CEP164: variants seen among roughly 807,000 people sequenced by gnomAD.
CEP164 encodes centrosomal protein of 164 kDa.
A neutral mutation model predicts 182.7 loss-of-function variants in CEP164; 162 were observed. That is an observed-to-expected ratio of 0.89 (90% CI 0.78 to 1.01). The LOEUF is 1.01. CEP164 is among the 50% of genes least tolerant of loss of function. CEP164 has a pLI of 0.00. For missense variants in CEP164, 1,735 were observed against 1,790.4 expected (o/e 0.97, Z 0.56); for synonymous variants, 661 against 690.0 (o/e 0.96, Z 0.66).
intron 27 of CEP164, among the ~76,000 whole-genome samples, chr11:117,405,214 T>G (rs1399416711): frequency 6.6e-6 from 1 of 152,164 alleles, no homozygotes; most frequent in Non-Finnish European, 1.5e-5. Context: ...AAAAAACTCC[T>G]GCAGCTAGCT....
chr11:117,366,965 A>T (rs2041702938), intron 8 of CEP164, among the ~76,000 whole-genome samples: 1 of 152,130 alleles, frequency 6.6e-6, no homozygotes, highest in Admixed American at 6.5e-5. Context: ...AAGCAGCAGA[A>T]ATGTGCCTTG....
chr11:117,403,737 C>A (rs996278478), intron 27 of CEP164, among the ~76,000 whole-genome samples: 28 of 152,126 alleles, frequency 1.8e-4, no homozygotes, highest in African/African-American at 6.5e-4. Flanking sequence ...CAGATAATAT[C>A]CTGAAGAGCG....
Position 117,394,264 on chromosome 11 carries a change from C to G in CEP164, c.2617-86C>G. 2.6e-6 allele frequency: 4 copies of G among 1,516,352 alleles called. No individual in the cohort carries two copies. Among genetic ancestry groups the G allele is most frequent in the Non-Finnish European group, 3.6e-6 (4 of 1,122,086 alleles). 93.9% of individuals were successfully genotyped at this position (1,516,352 alleles called of 1,614,324 possible). ...GATGGTGTCCCTGATCTTACTGATGCAAGGCTGCAGGGCTAGGGGAGCTGT... is the reference window on the plus strand; with the variant it reads ...GATGGTGTCCCTGATCTTACTGATGGAAGGCTGCAGGGCTAGGGGAGCTGT... On this transcript the variant is annotated intron_variant, in intron 20 of 32. Transcript: ENST00000278935. This position sits in a 1 kb window ranked among gnomAD's most constrained non-coding sequence, Gnocchi z 4.0.
rs905994631 is a variant in CEP164 at position 117,392,476 on chromosome 11, G to A, written c.2362-20G>A. 6.2e-7 allele frequency: 1 copy of A among 1,609,434 alleles called. No individual in the cohort carries two copies. Among genetic ancestry groups the A allele is most frequent in the Non-Finnish European group, 8.5e-7 (1 of 1,177,782 alleles). ...CTGTCTGAGGGTCACACTCCCCTGT[G>A]TGTGCGGGGGCCTCCTCAGGTGGTC... is the stretch of plus-strand genomic sequence containing the variant. On this transcript the variant is annotated intron_variant, in intron 18 of 32. Coordinates refer to ENST00000278935, the MANE Select transcript of CEP164 (RefSeq NM_014956.5).
intron 5 of CEP164, among the ~76,000 whole-genome samples, 197 bp downstream of exon 5, chr11:117,352,185 C>T (rs190194502): frequency 1.4e-4 from 21 of 152,146 alleles, no homozygotes; most frequent in Non-Finnish European, 2.2e-4. Flanking sequence ...AAGTTGTTGC[C>T]ATGTCTACAC....
chr11:117,402,972 C>CA (rs1204720283), intron 27 of CEP164, among the ~76,000 whole-genome samples: 14 of 152,222 alleles, frequency 9.2e-5, no homozygotes, highest in Admixed American at 9.2e-4. Context: ...TCTGTTTTAT[C>CA]AGAGACTAGG....
intron 27 of CEP164, among the ~76,000 whole-genome samples, 169 bp downstream of exon 27, chr11:117,397,482 A>C (rs1284973566): frequency 6.6e-6 from 1 of 152,180 alleles, no homozygotes. Context: ...GTATGCAAAC[A>C]CCTTTTCTAG....
upstream of CEP164, among the ~76,000 whole-genome samples, chr11:117,323,104 T>C (rs2035313154): frequency 1.3e-5 from 2 of 152,118 alleles, no homozygotes. Flanking sequence ...TTTCTCCACG[T>C]TGGCCAGGCT....
Position 117,322,528 on chromosome 11 carries a change from A to G in CEP164, c.-98+7800A>G, listed in dbSNP as rs116056534. On this transcript the variant is annotated intron_variant, in intron 1 of 4. Transcript: ENST00000525734. ...TTAACCATTGTCACCCTACTGTGCA[A>G]TAGGATACCAGAATTTATTCCTCCT... 2.3e-3 allele frequency among the ~76,000 whole-genome samples: 352 copies of G among 152,104 alleles called. 1 individual carries two copies. The highest frequency in any genetic ancestry group is 8.0e-3 in the African/African-American group (334 of 41,514).
chr11:117,344,103 A>T (rs2038534340), intron 3 of CEP164, 63 bp from the exon 4 acceptor site: 1 of 890,096 alleles, frequency 1.1e-6, no homozygotes, highest in Non-Finnish European at 1.8e-6. Context: ...AGTAGAAAAA[A>T]GATTGTGAGT....
At chr11:117,356,251 G>C in intron 5 of CEP164, 1 of 1,102,374 alleles carries the variant, frequency 9.1e-7, no homozygotes, top group Non-Finnish European at 1.1e-6. Context: ...GGTTCTACCA[G>C]CACATCCTGC....
In CEP164 at chr11:117,393,034, G is replaced by A. The variant is rs754009165; in HGVS notation, c.2524G>A (p.Glu842Lys). ...LSSLLREKRQ[E>K]VEGEHERRLD... is the part of the protein sequence containing the mutation. ...CAGTCTCCTGCGAGAGAAGCGCCAG[G>A]AAGTGGAAGGGGAGCATGAGAGGAG... The change falls in exon 20 of 33, where the codon GAA becomes AAA. Residue 842 changes from glutamate to lysine, a missense_variant. Transcript: ENST00000278935. 9.3e-6 allele frequency: 15 copies of A among 1,613,572 alleles called. No individual in the cohort carries two copies. In the East Asian group the frequency reaches 3.3e-4, roughly 36 times the overall value.
chr11:117,398,898 G>A (rs548252904), intron 27 of CEP164, among the ~76,000 whole-genome samples: 5 of 152,350 alleles, frequency 3.3e-5, no homozygotes, highest in Admixed American at 1.3e-4. Context: ...TTTCCCCATT[G>A]TCTTGGAGAT....
intron 15 of CEP164, 134 bp from the exon 16 acceptor site, chr11:117,390,643 A>T: frequency 5.6e-6 from 1 of 178,752 alleles, no homozygotes; most frequent in Non-Finnish European, 8.5e-6. Context: ...CTCCAAAAAG[A>T]AAAAAAAAAA....
chr11:117,355,619 T>G, intron 5 of CEP164: 1 of 1,198,326 alleles, frequency 8.3e-7, no homozygotes, highest in Non-Finnish European at 1.1e-6. Context: ...GAGCAAGTTG[T>G]TGTTAGATAG....
At chr11:117,373,729 C>T (rs779239830) in intron 9 of CEP164, 22 bp from the exon 10 acceptor site, 1 of 1,608,698 alleles carries the variant, frequency 6.2e-7, no homozygotes, top group Non-Finnish European at 8.5e-7. Context: ...TGAGGGATTT[C>T]TCTGTGGGTC....
intron 19 of CEP164, 44 bp from the exon 20 acceptor site, chr11:117,392,960 C>T (rs1299312286): frequency 1.2e-6 from 2 of 1,609,070 alleles, no homozygotes; most frequent in South Asian, 2.2e-5. Flanking sequence ...GAGTGCTGGT[C>T]CGCCTCGGTT....
intron 1 of CEP164, among the ~76,000 whole-genome samples, chr11:117,322,708 A>G (rs2134521767): frequency 6.8e-6 from 1 of 147,502 alleles, no homozygotes; most frequent in African/African-American, 2.5e-5. Flanking sequence ...GGCATGTGTC[A>G]CCACGCCTGG....
chr11:117,376,273 T>A (rs2136023568), intron 11 of CEP164, among the ~76,000 whole-genome samples: 1 of 151,832 alleles, frequency 6.6e-6, no homozygotes, highest in East Asian at 1.9e-4. Flanking sequence ...CTCTGACACC[T>A]CCTCCTCAAA....
Sources: allele counts gnomAD v4.1 joint callset (sites outside exome capture counted in the v4.1 genomes callset), GRCh38; gene constraint gnomAD v4.1.1; non-coding constraint Gnocchi (gnomAD v3.1); transcripts MANE v1.5; gene names NCBI Gene and HGNC (gene_info 2026-07-23, HGNC 2026-07-21).